PAPSS2: variants seen among roughly 807,000 people sequenced by gnomAD.
The protein encoded by PAPSS2 is 3'-phosphoadenosine 5'-phosphosulfate synthase 2.
In PAPSS2, 61 loss-of-function variants were observed where a neutral mutation model predicts 66.5. The ratio of observed to expected loss-of-function variants is 0.92; its 90% CI spans 0.75 to 1.14. The LOEUF (loss-of-function observed/expected upper bound fraction) is 1.14, where lower values mean the gene tolerates loss of function less well. PAPSS2 is among the 50% of genes most tolerant of loss of function. PAPSS2 has a pLI of 0.00. For synonymous variants in PAPSS2, 289 were observed against 287.5 expected, an observed-to-expected ratio of 1.01 and a Z score of -0.05; for missense variants, 708 against 789.6, an observed-to-expected ratio of 0.90 and a Z score of 1.24.
At position 87,746,120 on chromosome 10, in the gene PAPSS2, T is replaced by A. The variant is rs1175083975; in HGVS notation, c.*150T>A. 20 of 595,550 alleles carry A rather than the reference T, an allele frequency of 3.4e-5. No individual in the cohort carries two copies. The highest frequency in any genetic ancestry group is 5.4e-5 in the Non-Finnish European group (19 of 352,356). 36.9% of individuals were successfully genotyped at this position (595,550 alleles called of 1,614,324 possible). On this transcript the variant is annotated 3_prime_UTR_variant, in exon 13 of 13. Coordinates refer to ENST00000456849, the MANE Select transcript of PAPSS2 (RefSeq NM_001015880.2). Reference sequence around the variant, plus strand: ...TTGTGTCTATAATTAAAAAAAAATATATATATATACACACACACATATACA... The same window carrying A: ...TTGTGTCTATAATTAAAAAAAAATAAATATATATACACACACACATATACA...
At chr10:87,744,750 G>C (rs866198419) in intron 11 of PAPSS2, among the ~76,000 whole-genome samples, 3 of 152,188 alleles carry the variant, frequency 2.0e-5, no homozygotes, top group Admixed American at 6.5e-5. Context: ...CGGCTAGCCT[G>C]TTTGGAGAAG....
At chr10:87,693,566 A>C (rs775434956) in intron 1 of PAPSS2, among the ~76,000 whole-genome samples, 1 of 152,242 alleles carries the variant, frequency 6.6e-6, no homozygotes, top group Non-Finnish European at 1.5e-5. Context: ...AACCTACTTG[A>C]GAATGTGCTC....
chr10:87,688,341 T>C (rs1448601590), intron 1 of PAPSS2, among the ~76,000 whole-genome samples: 1 of 151,842 alleles, frequency 6.6e-6, no homozygotes, highest in Non-Finnish European at 1.5e-5. Context: ...TCGTCAAATC[T>C]CAGGATGGTA....
chr10:87,696,691 A>T (rs1426140196), intron 1 of PAPSS2, among the ~76,000 whole-genome samples: 1 of 152,248 alleles, frequency 6.6e-6, no homozygotes, highest in Non-Finnish European at 1.5e-5. Flanking sequence ...AAAGTAAAAT[A>T]ATAAAGTTAG....
chr10:87,713,312 T>TTAA lies in PAPSS2; in HGVS notation c.381+2_381+3insTAA. 2 of 573,438 alleles carry TTAA rather than the reference T, an allele frequency of 3.5e-6. No individual in the cohort carries two copies. The highest frequency in any genetic ancestry group is 5.2e-6 in the Non-Finnish European group (2 of 382,484). The allele number at this position is 573,438 out of a possible 1,614,324, so 35.5% of individuals were successfully genotyped here. A position where few individuals can be genotyped will look rare whatever the true frequency, so the allele number is the denominator to read the frequency against. On this transcript the variant is annotated splice_region_variant and intron_variant, in intron 3 of 12. Transcript: ENST00000456849. Reference sequence around the variant, plus strand: ...AGCTTTATTTCTCCATTCGCAAAGGTAAAAAAAAAAAAAAAAAAAAAAGGC... The same window carrying TTAA: ...AGCTTTATTTCTCCATTCGCAAAGGTTAAAAAAAAAAAAAAAAAAAAAAAAGGC...
At chr10:87,728,205 C>T (rs1853683672) in intron 9 of PAPSS2, among the ~76,000 whole-genome samples, 1 of 152,110 alleles carries the variant, frequency 6.6e-6, no homozygotes. Context: ...GGCTGTGGTT[C>T]ATTTCCCACA....
At chr10:87,705,519 C>T (rs1166008945) in intron 1 of PAPSS2, among the ~76,000 whole-genome samples, 1 of 152,006 alleles carries the variant, frequency 6.6e-6, no homozygotes, top group Non-Finnish European at 1.5e-5. Flanking sequence ...GATGATTGCC[C>T]CACTTCATAC....
chr10:87,663,504 A>G (rs1447506106), intron 1 of PAPSS2, among the ~76,000 whole-genome samples: 1 of 152,158 alleles, frequency 6.6e-6, no homozygotes. Flanking sequence ...GACAAAAAGC[A>G]TTTCCTAGAG....
At chr10:87,660,144 A>G in intron 1 of PAPSS2, 136 bp downstream of exon 1, 1 of 877,252 alleles carries the variant, frequency 1.1e-6, no homozygotes, top group Non-Finnish European at 1.9e-6. Flanking sequence ...TGGGGCACGG[A>G]GGGAAGCAAG....
intron 1 of PAPSS2, among the ~76,000 whole-genome samples, chr10:87,706,116 G>C (rs1332699385): frequency 1.1e-5 from 1 of 87,484 alleles, no homozygotes; most frequent in Non-Finnish European, 2.2e-5. Flanking sequence ...ATATGTGTGT[G>C]TGTGTGTGTG....
intron 1 of PAPSS2, among the ~76,000 whole-genome samples, chr10:87,691,090 T>C (rs1174593190): frequency 1.3e-5 from 2 of 152,180 alleles, no homozygotes; most frequent in Non-Finnish European, 2.9e-5. Context: ...CTACCAAGTA[T>C]GGCTGCCCCC....
chr10:87,660,090 G>T (rs974686849), intron 1 of PAPSS2, 82 bp downstream of exon 1: 2 of 1,423,752 alleles, frequency 1.4e-6, no homozygotes, highest in African/African-American at 2.8e-5. Context: ...CGGCACTTGG[G>T]TCCCACCCTC....
intron 7 of PAPSS2, 50 bp downstream of exon 7, chr10:87,715,893 AAT>A: frequency 8.2e-7 from 1 of 1,212,448 alleles, no homozygotes; most frequent in East Asian, 2.3e-5. Context: ...GAAAAAAAAA[AAT>A]CTTTCCCAGA....
intron 1 of PAPSS2, among the ~76,000 whole-genome samples, chr10:87,708,550 T>C (rs1193620907): frequency 6.6e-6 from 1 of 151,372 alleles, no homozygotes; most frequent in Non-Finnish European, 1.5e-5. Context: ...AGTATTTGGG[T>C]TCTCAGTTCA....
rs150079044 is a variant in PAPSS2 at position 87,706,108 on chromosome 10, A to ATGTG, written c.28-3058_28-3055dup. On this transcript the variant is annotated intron_variant, in intron 1 of 12. Transcript: ENST00000456849. ...GGTATATATATATATATATATATAT[A>ATGTG]TGTGTGTGTGTGTGTGTGTGTGTGT... Among the ~76,000 whole-genome samples the ATGTG allele has an allele frequency of 3.2e-3, 164 of 52,020 alleles. 12 individuals are homozygous for ATGTG. Among genetic ancestry groups the ATGTG allele is most frequent in the Middle Eastern group, 8.1e-3 (1 of 124 alleles). 34.1% of individuals were successfully genotyped at this position (52,020 alleles called of 152,430 possible).
intron 7 of PAPSS2, among the ~76,000 whole-genome samples, chr10:87,717,674 C>T (rs1853548645): frequency 6.6e-6 from 1 of 151,804 alleles, no homozygotes. Flanking sequence ...GCAATCCTTC[C>T]ACCTCTGCCT....
intron 1 of PAPSS2, among the ~76,000 whole-genome samples, chr10:87,695,631 G>GGGTCTT (rs1183159169): frequency 6.6e-6 from 1 of 152,186 alleles, no homozygotes; most frequent in East Asian, 1.9e-4. Flanking sequence ...AAGACATGAA[G>GGGTCTT]GGTCTAAGTC....
At chr10:87,718,240 G>A (rs544089840) in intron 7 of PAPSS2, among the ~76,000 whole-genome samples, 31 of 152,132 alleles carry the variant, frequency 2.0e-4, no homozygotes, top group African/African-American at 7.5e-4. Flanking sequence ...ATGTTGGCCA[G>A]GCTGGTCTTG....
chr10:87,668,407 T>G (rs978882618), intron 1 of PAPSS2, among the ~76,000 whole-genome samples: 6 of 152,200 alleles, frequency 3.9e-5, no homozygotes, highest in Non-Finnish European at 7.3e-5. Flanking sequence ...TACCAAAGCC[T>G]TATATTCTTT....
Sources: gnomAD v4.1 joint callset for allele counts (sites outside exome capture counted in the v4.1 genomes callset) on GRCh38, gnomAD v4.1.1 for gene constraint, MANE v1.5 for transcripts, NCBI Gene and HGNC (gene_info 2026-07-23, HGNC 2026-07-21) for gene names.